SLC26A5: variants seen among roughly 807,000 people sequenced by gnomAD.
SLC26A5 encodes prestin.
A neutral mutation model predicts 81.0 loss-of-function variants in SLC26A5; 51 were observed. The observed-to-expected ratio is 0.63, with a 90% CI of 0.50 to 0.80. The LOEUF is 0.80. SLC26A5 is among the 30% of genes least tolerant of loss of function. The probability of loss-of-function intolerance (pLI) is 0.00; values close to 1 mark genes in which losing one functional copy is unlikely to be tolerated. For synonymous variants in SLC26A5, 325 were observed against 332.8 expected (o/e 0.98, Z 0.25); for missense variants, 771 against 905.8 (o/e 0.85, Z 1.91).
intron 10 of SLC26A5, among the ~76,000 whole-genome samples, chr7:103,392,616 C>T (rs1309228105): frequency 6.6e-6 from 1 of 152,192 alleles, no homozygotes; most frequent in Non-Finnish European, 1.5e-5. Context: ...CTCGCTCTGT[C>T]GCCCAGGCTG....
intron 10 of SLC26A5, among the ~76,000 whole-genome samples, 184 bp downstream of exon 10, chr7:103,392,735 G>A (rs1196198592): frequency 1.3e-5 from 2 of 152,090 alleles, no homozygotes; most frequent in Non-Finnish European, 2.9e-5. Flanking sequence ...CTGCCACCAT[G>A]CCCGGCTAAT....
intron 16 of SLC26A5, among the ~76,000 whole-genome samples, chr7:103,378,908 A>G (rs1200532247): frequency 2.0e-5 from 3 of 152,120 alleles, no homozygotes; most frequent in African/African-American, 7.2e-5. Flanking sequence ...AACATGACCA[A>G]AGGAATCTAC....
Position 103,432,755 on chromosome 7 carries a change from A to G in SLC26A5, c.-54+10328T>C, listed in dbSNP as rs1207433618. Among the ~76,000 whole-genome samples the G allele has an allele frequency of 2.0e-5, 3 of 151,990 alleles. No individual in the cohort carries two copies. The East Asian group carries it at 5.8e-4, about 29-fold the overall frequency. Reference sequence around the variant, plus strand: ...TTGTAGGTTTTTAAAATTCTGAGTCATATTTAATTGTGGAAGGGGAGGAGT... The same window carrying G: ...TTGTAGGTTTTTAAAATTCTGAGTCGTATTTAATTGTGGAAGGGGAGGAGT... On this transcript the variant is annotated intron_variant, in intron 2 of 19. Coordinates refer to ENST00000306312, the MANE Select transcript of SLC26A5 (RefSeq NM_198999.3).
chr7:103,356,154 AT>A (rs533626972), intron 19 of SLC26A5, among the ~76,000 whole-genome samples: 259 of 143,004 alleles, frequency 1.8e-3, no homozygotes, highest in Admixed American at 2.4e-3. Context: ...ACATATCCTG[AT>A]TTTTTTTTTT....
At chr7:103,389,164 AAG>A (rs757323446) in intron 13 of SLC26A5, 50 bp from the exon 14 acceptor site, 2 of 1,419,746 alleles carry the variant, frequency 1.4e-6, no homozygotes, top group East Asian at 4.6e-5. Flanking sequence ...AACATCCCAC[AAG>A]AGTTAAACAC....
chr7:103,379,857 T>C (rs1821643525), intron 15 of SLC26A5, among the ~76,000 whole-genome samples: 1 of 152,154 alleles, frequency 6.6e-6, no homozygotes, highest in African/African-American at 2.4e-5. Flanking sequence ...AAACAAGCAA[T>C]GTTGCATATA....
rs35755959 is a variant in SLC26A5 at position 103,420,289 on chromosome 7, CTTTTTTTTTTTT to C, written c.292+437_292+448del. 6.6e-5 allele frequency among the ~76,000 whole-genome samples: 6 copies of C among 90,598 alleles called. No homozygotes were observed. The South Asian group carries it at 2.4e-3, about 37-fold the overall frequency. 59.4% of individuals were successfully genotyped at this position (90,598 alleles called of 152,430 possible). A position where few individuals can be genotyped will look rare whatever the true frequency, so the allele number is the denominator to read the frequency against. On this transcript the variant is annotated intron_variant, in intron 4 of 19. Transcript: ENST00000306312. ...TTTTCTACTATTAATATCCCTGGAG[CTTTTTTTTTTTT>C]TTTTTTTTTTTTGAGACAGGGACTC...
intron 1 of SLC26A5, 33 bp downstream of exon 1, chr7:103,446,065 C>T (rs771396892): frequency 6.0e-4 from 92 of 152,290 alleles, no homozygotes; most frequent in Non-Finnish European, 9.5e-4. Context: ...GGGACCGCGA[C>T]CCCCGGCCCC....
At chr7:103,431,073 T>G (rs180848746) in intron 2 of SLC26A5, among the ~76,000 whole-genome samples, 3 of 152,332 alleles carry the variant, frequency 2.0e-5, no homozygotes, top group East Asian at 3.9e-4. Flanking sequence ...AGAATTTTCT[T>G]TGAGGTAAAA....
chr7:103,409,715 G>GTT (rs371646994), intron 7 of SLC26A5, among the ~76,000 whole-genome samples: 1 of 146,238 alleles, frequency 6.8e-6, no homozygotes, highest in African/African-American at 2.5e-5. Flanking sequence ...AGCAGGTTTT[G>GTT]TTTTTTTTTT....
chr7:103,381,966 C>T (rs1321321676), intron 14 of SLC26A5, among the ~76,000 whole-genome samples: 2 of 151,920 alleles, frequency 1.3e-5, no homozygotes, highest in African/African-American at 4.8e-5. Flanking sequence ...GTATACCTCA[C>T]ACCACATTCA....
chr7:103,381,909 A>T (rs1340815467), intron 14 of SLC26A5, among the ~76,000 whole-genome samples: 1 of 148,072 alleles, frequency 6.8e-6, no homozygotes, highest in Non-Finnish European at 1.5e-5. Flanking sequence ...ATATACATAC[A>T]TCACATACAC....
chr7:103,423,268 G>A (rs892901149), intron 2 of SLC26A5, among the ~76,000 whole-genome samples: 7 of 152,086 alleles, frequency 4.6e-5, no homozygotes, highest in African/African-American at 1.2e-4. Context: ...GTGAAACTCC[G>A]TCTCAAAGGC....
chr7:103,420,902 A>G, intron 3 of SLC26A5, 25 bp from the exon 4 acceptor site: 1 of 1,588,572 alleles, frequency 6.3e-7, no homozygotes. Flanking sequence ...ACAGACAGAG[A>G]TAAAGTTATA....
In SLC26A5 at chr7:103,405,376, G is replaced by A. The variant is rs973904288; in HGVS notation, c.888+2475C>T. Among the ~76,000 whole-genome samples the A allele has an allele frequency of 5.3e-5, 8 of 152,206 alleles. No individual in the cohort carries two copies. The East Asian group carries it at 1.2e-3, about 22-fold the overall frequency. On this transcript the variant is annotated intron_variant, in intron 8 of 19. Transcript: ENST00000306312. The stretch of plus-strand genomic sequence containing the variant: ...CTTCGGATGGGGTTTTTATGTTGAC[G>A]TCCTTTCTGTTGATGTTGATGCTAT...
Position 103,367,909 on chromosome 7 carries a change from G to A in SLC26A5, c.2041+8899C>T. On this transcript the variant is annotated intron_variant, in intron 19 of 19. Transcript: ENST00000339444. The surrounding 1 kb of genome is among the most constrained non-coding windows in gnomAD (Gnocchi z 6.1). ...TTTTGTTTGAAAGGTGCTGAGATTA[G>A]AAGCGTCTGCACAGAGGCTGGTATG... The A allele has an allele frequency of 1.2e-6, 2 of 1,613,536 alleles. No individual in the cohort carries two copies. The highest frequency in any genetic ancestry group is 1.7e-6 in the Non-Finnish European group (2 of 1,179,870).
At chr7:103,379,899 C>G (rs1467066524) in intron 15 of SLC26A5, among the ~76,000 whole-genome samples, 1 of 152,156 alleles carries the variant, frequency 6.6e-6, no homozygotes, top group Non-Finnish European at 1.5e-5. Flanking sequence ...TATAGCAATT[C>G]TAACACCTTT....
chr7:103,430,773 AC>A (rs1217455164), intron 2 of SLC26A5, among the ~76,000 whole-genome samples: 1 of 152,228 alleles, frequency 6.6e-6, no homozygotes, highest in Non-Finnish European at 1.5e-5. Flanking sequence ...AGGAAATAAA[AC>A]TGGAGAGGTC....
intron 2 of SLC26A5, among the ~76,000 whole-genome samples, chr7:103,440,698 CT>C (rs1826811307): frequency 6.6e-6 from 1 of 152,168 alleles, no homozygotes; most frequent in Non-Finnish European, 1.5e-5. Context: ...TGTTTGTTTA[CT>C]GGCAATGAGT....
Sources: gnomAD v4.1 joint callset for allele counts (sites outside exome capture counted in the v4.1 genomes callset) on GRCh38, gnomAD v4.1.1 for gene constraint, Gnocchi (gnomAD v3.1) non-coding constraint, MANE v1.5 for transcripts, NCBI Gene and HGNC (gene_info 2026-07-23, HGNC 2026-07-21) for gene names.